The following EPHA3 variants were observed in gnomAD, a reference collection of about 807,000 sequenced individuals.
The protein encoded by EPHA3 is ephrin type-A receptor 3.
EPHA3 carries 42 observed loss-of-function variants against 107.1 expected under a neutral mutation model. That is an observed-to-expected ratio of 0.39 (90% CI 0.31 to 0.51). EPHA3 has a LOEUF of 0.51. Ranked by LOEUF, EPHA3 falls within the 20% of genes least tolerant of loss-of-function variation. The pLI is 0.78. For synonymous variants in EPHA3, 461 were observed against 424.8 expected, an observed-to-expected ratio of 1.09 and a Z score of -1.05; for missense variants, 1,183 against 1,211.2, an observed-to-expected ratio of 0.98 and a Z score of 0.35.
intron 15 of EPHA3, among the ~76,000 whole-genome samples, chr3:89,468,741 T>A (rs1361355058): frequency 6.6e-6 from 1 of 152,202 alleles, no homozygotes; most frequent in Non-Finnish European, 1.5e-5. Context: ...GTTCAATGAC[T>A]TATCCAATGA....
At chr3:89,422,753 C>T (rs752927336) in intron 11 of EPHA3, among the ~76,000 whole-genome samples, 27 of 151,204 alleles carry the variant, frequency 1.8e-4, no homozygotes, top group Non-Finnish European at 2.8e-4. Flanking sequence ...TATTGTTATT[C>T]GATTGTGTGC....
chr3:89,474,602 C>A lies in EPHA3; in HGVS notation c.2846+1983C>A, dbSNP rs7647678. Among the ~76,000 whole-genome samples, 1,137 of 152,256 alleles carry A rather than the reference C, an allele frequency of 7.5e-3. 24 individuals carry two copies. The highest frequency in any genetic ancestry group is 0.025 in the African/African-American group (1,055 of 41,554). On this transcript the variant is annotated intron_variant, in intron 16 of 16. Coordinates refer to ENST00000336596, the MANE Select transcript of EPHA3 (RefSeq NM_005233.6). ...CAAATGTTTACTCTCAATAAAATATCAACACTCAAAACTTTTAGATATTGA... is the reference window on the plus strand; with the variant it reads ...CAAATGTTTACTCTCAATAAAATATAAACACTCAAAACTTTTAGATATTGA...
intron 5 of EPHA3, among the ~76,000 whole-genome samples, chr3:89,391,503 C>T (rs900618521): frequency 2.0e-5 from 3 of 149,024 alleles, no homozygotes; most frequent in Non-Finnish European, 4.5e-5. Context: ...CGATGCAAGC[C>T]TGCAAGCTCT....
At chr3:89,144,069 T>G (rs1164894265) in intron 2 of EPHA3, among the ~76,000 whole-genome samples, 1 of 151,686 alleles carries the variant, frequency 6.6e-6, no homozygotes, top group Non-Finnish European at 1.5e-5. Context: ...TGAACCAATA[T>G]TGATACATTA....
At chr3:89,107,902 T>C in intron 1 of EPHA3, 66 bp downstream of exon 1, 2 of 1,504,650 alleles carry the variant, frequency 1.3e-6, no homozygotes, top group Non-Finnish European at 1.8e-6. Context: ...AAGCACGTTC[T>C]CACCGAAGCC....
chr3:89,457,030 G>A (rs1371211081), intron 15 of EPHA3, among the ~76,000 whole-genome samples: 1 of 152,134 alleles, frequency 6.6e-6, no homozygotes, highest in South Asian at 2.1e-4. Flanking sequence ...AAAGGAGTTC[G>A]GGAATCCCGA....
chr3:89,384,675 A>T (rs1708581306), intron 5 of EPHA3, among the ~76,000 whole-genome samples: 1 of 152,222 alleles, frequency 6.6e-6, no homozygotes, highest in Admixed American at 6.5e-5. Flanking sequence ...TGAAAAAAAG[A>T]AAGAATGTCA....
At chr3:89,156,828 G>T (rs1704817989) in intron 2 of EPHA3, among the ~76,000 whole-genome samples, 1 of 151,644 alleles carries the variant, frequency 6.6e-6, no homozygotes, top group African/African-American at 2.4e-5. Context: ...ACTTTTGGTG[G>T]CATCACTTTC....
At chr3:89,146,853 A>G (rs529322744) in intron 2 of EPHA3, among the ~76,000 whole-genome samples, 1 of 151,844 alleles carries the variant, frequency 6.6e-6, no homozygotes, top group Non-Finnish European at 1.5e-5. Context: ...TTTCTGTTTT[A>G]TGCATATGGC....
intron 3 of EPHA3, among the ~76,000 whole-genome samples, chr3:89,222,063 G>C (rs1704390562): frequency 6.6e-6 from 1 of 151,986 alleles, no homozygotes; most frequent in Non-Finnish European, 1.5e-5. Context: ...TAGGCATGTG[G>C]AACTGAGCCA....
intron 3 of EPHA3, among the ~76,000 whole-genome samples, chr3:89,312,970 T>G (rs1378166593): frequency 6.6e-6 from 1 of 152,052 alleles, no homozygotes; most frequent in African/African-American, 2.4e-5. Context: ...CACATCTTCT[T>G]TATCTGGTCT....
chr3:89,317,609 CAAAT>C (rs1353021010), intron 3 of EPHA3, among the ~76,000 whole-genome samples: 5 of 151,640 alleles, frequency 3.3e-5, no homozygotes, highest in Non-Finnish European at 7.4e-5. Context: ...AGGTAAAAAA[CAAAT>C]AATCATTTTT....
chr3:89,454,514 T>A (rs1027075264), intron 15 of EPHA3, among the ~76,000 whole-genome samples: 1 of 152,220 alleles, frequency 6.6e-6, no homozygotes, highest in Non-Finnish European at 1.5e-5. Flanking sequence ...TCTTCTGACC[T>A]GGACCACTGC....
At chr3:89,336,215 C>A (rs1707388764) in intron 3 of EPHA3, among the ~76,000 whole-genome samples, 2 of 152,120 alleles carry the variant, frequency 1.3e-5, no homozygotes, top group Non-Finnish European at 1.5e-5. Flanking sequence ...TATAAAAATG[C>A]TTAAATGAGA....
At chr3:89,360,385 T>A (rs1328925063) in intron 5 of EPHA3, among the ~76,000 whole-genome samples, 3 of 151,062 alleles carry the variant, frequency 2.0e-5, no homozygotes, top group African/African-American at 7.3e-5. Flanking sequence ...CTATGAGTAA[T>A]CTGCTGATTC....
At chr3:89,121,685 A>G (rs1209445240) in intron 1 of EPHA3, among the ~76,000 whole-genome samples, 1 of 151,630 alleles carries the variant, frequency 6.6e-6, no homozygotes, top group Non-Finnish European at 1.5e-5. Context: ...TGAATCCAGG[A>G]GGCAGAGGTT....
Position 89,479,812 on chromosome 3 carries a change from TA to T in EPHA3, c.*314del. Reference sequence around the variant, plus strand: ...GCCATTGATCATAAACTGACTATCATAAAATCAAAACAAGTGAAATAACAAA... The same window carrying T: ...GCCATTGATCATAAACTGACTATCATAAATCAAAACAAGTGAAATAACAAA... On this transcript the variant is annotated 3_prime_UTR_variant, in exon 17 of 17. Transcript: ENST00000336596. 3.7e-6 allele frequency: 1 copy of T among 268,294 alleles called. No individual in the cohort carries two copies. The highest frequency in any genetic ancestry group is 7.1e-6 in the Non-Finnish European group (1 of 140,752). 16.6% of individuals were successfully genotyped at this position (268,294 alleles called of 1,614,324 possible).
In EPHA3 at chr3:89,350,006, C is replaced by T. The variant is rs1334247719; in HGVS notation, c.1306+7916C>T. Among the ~76,000 whole-genome samples the T allele has an allele frequency of 2.7e-5, 4 of 150,396 alleles. No individual in the cohort carries two copies. In the East Asian group the frequency reaches 5.8e-4, roughly 22 times the overall value. On this transcript the variant is annotated intron_variant, in intron 5 of 16. Transcript: ENST00000336596. ...GATCCGCTGTTAGTCTGATGGGCTTCCCTTTGAGGGTAACCTGACCTTTCT... is the reference window on the plus strand; with the variant it reads ...GATCCGCTGTTAGTCTGATGGGCTTTCCTTTGAGGGTAACCTGACCTTTCT...
chr3:89,197,371 C>T (rs1364704219), intron 2 of EPHA3, among the ~76,000 whole-genome samples: 1 of 150,780 alleles, frequency 6.6e-6, no homozygotes, highest in Admixed American at 6.6e-5. Flanking sequence ...ACATGATATA[C>T]CTGAGGCTTA....
Sources: gnomAD v4.1 joint callset for allele counts (sites outside exome capture counted in the v4.1 genomes callset) on GRCh38, gnomAD v4.1.1 for gene constraint, MANE v1.5 for transcripts, NCBI Gene and HGNC (gene_info 2026-07-23, HGNC 2026-07-21) for gene names.